Variants in GALK2 observed in about 807,000 individuals in gnomAD.
GALK2 encodes the protein N-acetylgalactosamine kinase.
A neutral mutation model predicts 52.4 loss-of-function variants in GALK2; 36 were observed. The observed-to-expected ratio is 0.69, with a 90% CI of 0.53 to 0.91. GALK2 has a LOEUF of 0.91. GALK2 is among the 40% of genes least tolerant of loss of function. GALK2 has a pLI of 0.00. For missense variants in GALK2, 579 were observed against 559.1 expected, an observed-to-expected ratio of 1.04 and a Z score of -0.36; for synonymous variants, 176 against 199.1, an observed-to-expected ratio of 0.88 and a Z score of 0.98.
chr15:49,215,343 C>T (rs1412898641), intron 2 of GALK2, among the ~76,000 whole-genome samples: 3 of 152,202 alleles, frequency 2.0e-5, no homozygotes, highest in Admixed American at 2.0e-4. Flanking sequence ...TCTACATCCT[C>T]TTTAAAGCCA....
chr15:49,345,037 T>G (rs1051278991), intron 3 of GALK2, among the ~76,000 whole-genome samples: 1 of 152,206 alleles, frequency 6.6e-6, no homozygotes, highest in South Asian at 2.1e-4. Flanking sequence ...ACTATTTAAT[T>G]TCTTCCTCAG....
chr15:49,178,218 T>G lies in GALK2; in HGVS notation c.53+7843T>G, dbSNP rs1227014920. 5.7e-3 allele frequency among the ~76,000 whole-genome samples: 660 copies of G among 116,100 alleles called. 18 individuals are homozygous for G. Among genetic ancestry groups the G allele is most frequent in the African/African-American group, 0.02 (619 of 31,122 alleles). The allele number at this position is 116,100 out of a possible 152,430, so 76.2% of individuals were successfully genotyped here. On this transcript the variant is annotated intron_variant, in intron 1 of 9. Coordinates refer to ENST00000560031, the MANE Select transcript of GALK2 (RefSeq NM_002044.4). ...TACTATATATATATATATATATATA[T>G]ATATATATAGAAATAAAATGTATAA...
At chr15:49,164,470 T>G (rs2084753934) in intron 1 of GALK2, among the ~76,000 whole-genome samples, 1 of 152,038 alleles carries the variant, frequency 6.6e-6, no homozygotes, top group South Asian at 2.1e-4. Context: ...GTACTATATT[T>G]AGTTTCTAGG....
chr15:49,211,269 C>T (rs932523685), intron 2 of GALK2, among the ~76,000 whole-genome samples: 3 of 152,302 alleles, frequency 2.0e-5, no homozygotes, highest in Admixed American at 6.5e-5. Context: ...TAAAGCATAA[C>T]AAAAGTGACC....
chr15:49,326,587 G>A (rs2037539167), intron 9 of GALK2, among the ~76,000 whole-genome samples: 1 of 152,084 alleles, frequency 6.6e-6, no homozygotes, highest in Non-Finnish European at 1.5e-5. Flanking sequence ...CTGCAAACAG[G>A]CCCTTTGCCA....
At chr15:49,208,740 TG>T (rs2088540154) in intron 2 of GALK2, among the ~76,000 whole-genome samples, 1 of 152,224 alleles carries the variant, frequency 6.6e-6, no homozygotes, top group Non-Finnish European at 1.5e-5. Context: ...TGTCTAGTGC[TG>T]TCAGTGGAGT....
chr15:49,217,499 T>C (rs2141383413), intron 3 of GALK2, among the ~76,000 whole-genome samples, 186 bp downstream of exon 3: 1 of 152,362 alleles, frequency 6.6e-6, no homozygotes, highest in Middle Eastern at 3.4e-3. Flanking sequence ...ATTTAAGGAA[T>C]ATTTATCAAA....
intron 3 of GALK2, chr15:49,367,353 C>T (rs1596610834): frequency 9.4e-7 from 1 of 1,059,952 alleles, no homozygotes; most frequent in Non-Finnish European, 1.3e-6. Flanking sequence ...ATAAAACATG[C>T]ATTCAATTTG....
At chr15:49,276,249 C>T (rs16962256) in intron 5 of GALK2, among the ~76,000 whole-genome samples, 9,177 of 152,190 alleles carry the variant, frequency 0.06, 553 homozygotes, top group African/African-American at 0.15. Context: ...ATGGTAGAGA[C>T]GGGAGTGAAC....
At chr15:49,335,481 T>C (rs1472990988), downstream of GALK2, 1 of 1,613,426 alleles carries the variant, frequency 6.2e-7, no homozygotes, top group East Asian at 2.2e-5. Context: ...CATCACGGTA[T>C]GTTGGAGCAG....
chr15:49,266,976 G>A (rs2092382293), intron 5 of GALK2, among the ~76,000 whole-genome samples: 2 of 152,116 alleles, frequency 1.3e-5, no homozygotes, highest in Admixed American at 1.3e-4. Context: ...GTAGTGGCTG[G>A]GACCTGGGAG....
intron 1 of GALK2, among the ~76,000 whole-genome samples, chr15:49,161,326 C>T (rs556046609): frequency 1.3e-5 from 2 of 152,274 alleles, no homozygotes; most frequent in South Asian, 4.1e-4. Flanking sequence ...GCTGAGCATG[C>T]TGCTTGAGTA....
At chr15:49,299,750 T>TCTTTCTTTCTTTCTTTCTTTC (rs1567037392) in intron 8 of GALK2, among the ~76,000 whole-genome samples, 1 of 135,516 alleles carries the variant, frequency 7.4e-6, no homozygotes, top group Non-Finnish European at 1.6e-5. Flanking sequence ...TTTCTTTCTT[T>TCTTTCTTTCTTTCTTTCTTTC]CTTTCTTTCT....
At chr15:49,160,564 A>C (rs2084617952) in intron 1 of GALK2, among the ~76,000 whole-genome samples, 3 of 152,054 alleles carry the variant, frequency 2.0e-5, no homozygotes, top group Non-Finnish European at 4.4e-5. Context: ...TTGACCCATC[A>C]TAATAGTAAT....
chr15:49,201,154 A>G lies in GALK2; in HGVS notation c.54-8A>G. The G allele has an allele frequency of 6.5e-7, 1 of 1,539,676 alleles. No homozygotes were observed. Among genetic ancestry groups the G allele is most frequent in the Non-Finnish European group, 9.0e-7 (1 of 1,115,386 alleles). On this transcript the variant is annotated splice_polypyrimidine_tract_variant and splice_region_variant and intron_variant, in intron 1 of 9. Transcript: ENST00000560031. Reference sequence around the variant, plus strand: ...TGATATTCTGAAATATTGTACTTTTATTTTCAGGTTACTGAAGCTAAAGGA... The same window carrying G: ...TGATATTCTGAAATATTGTACTTTTGTTTTCAGGTTACTGAAGCTAAAGGA...
chr15:49,264,769 G>A (rs1453244457), intron 5 of GALK2, among the ~76,000 whole-genome samples: 1 of 152,186 alleles, frequency 6.6e-6, no homozygotes, highest in African/African-American at 2.4e-5. Flanking sequence ...TGTCCTTTCT[G>A]TTTGTTAGTT....
At chr15:49,321,923 A>G (rs925429735) in intron 9 of GALK2, among the ~76,000 whole-genome samples, 1 of 152,198 alleles carries the variant, frequency 6.6e-6, no homozygotes, top group African/African-American at 2.4e-5. Context: ...GCAGGAACGT[A>G]ATGTGTAGAG....
intron 3 of GALK2, chr15:49,366,740 C>A: frequency 1.1e-6 from 1 of 906,468 alleles, no homozygotes; most frequent in South Asian, 1.5e-5. Flanking sequence ...GTGGGGTAGG[C>A]TGGGAGTCCC....
In GALK2 at chr15:49,319,509, A is replaced by G. The variant is rs550091878; in HGVS notation, c.968-95A>G. 7 of 992,294 alleles carry G rather than the reference A, an allele frequency of 7.1e-6. No individual in the cohort carries two copies. The East Asian group carries it at 1.5e-4, about 22-fold the overall frequency. The allele number at this position is 992,294 out of a possible 1,614,324, so 61.5% of individuals were successfully genotyped here. On this transcript the variant is annotated intron_variant, in intron 8 of 9. Coordinates refer to ENST00000560031, the MANE Select transcript of GALK2 (RefSeq NM_002044.4). ...TGAAGTTTAAGATACTGATAATGAAAACAGAAATGAAAGTCTTTAAAAGTG... is the reference window on the plus strand; with the variant it reads ...TGAAGTTTAAGATACTGATAATGAAGACAGAAATGAAAGTCTTTAAAAGTG...
Sources: gnomAD v4.1 joint callset for allele counts (sites outside exome capture counted in the v4.1 genomes callset) on GRCh38, gnomAD v4.1.1 for gene constraint, MANE v1.5 for transcripts, NCBI Gene and HGNC (gene_info 2026-07-23, HGNC 2026-07-21) for gene names.